Variants in RAD54L2 observed in about 807,000 individuals in gnomAD.
The protein encoded by RAD54L2 is helicase ARIP4.
Under a neutral mutation model 138.4 loss-of-function variants are expected in RAD54L2, and 27 were observed. The observed-to-expected ratio is 0.20, with a 90% CI of 0.14 to 0.27. The LOEUF (loss-of-function observed/expected upper bound fraction) is 0.27. Ranked by LOEUF, RAD54L2 falls within the 10% of genes least tolerant of loss-of-function variation. The probability of loss-of-function intolerance (pLI) is 1.00; values close to 1 mark genes in which losing one functional copy is unlikely to be tolerated. For missense variants in RAD54L2, 1,396 were observed against 1,890.2 expected (o/e 0.74, Z 4.85); for synonymous variants, 644 against 723.2 (o/e 0.89, Z 1.76).
Position 51,563,959 on chromosome 3 carries a change from TCA to T in RAD54L2, c.-55+22310_-55+22311del, listed in dbSNP as rs752944918. The stretch of plus-strand genomic sequence containing the variant: ...CTTTTTTAAAACATGCCACTTCCTG[TCA>T]AGTTTAGAAGGCAGCCCAGAGGGGG... On this transcript the variant is annotated intron_variant, in intron 2 of 22. Coordinates refer to ENST00000684192, the MANE Select transcript of RAD54L2 (RefSeq NM_015106.4). Among the ~76,000 whole-genome samples the T allele has an allele frequency of 2.0e-5, 3 of 152,228 alleles. No homozygotes were observed. In the South Asian group the frequency reaches 6.2e-4, roughly 31 times the overall value.
Position 51,648,698 on chromosome 3 carries a change from A to T in RAD54L2, c.3026+2217A>T, listed in dbSNP as rs184018824. ...GTGGACCTCCAGCAAACTCCAACAG[A>T]CCTGCAGCTGAGGGACCTGACTGTT... On this transcript the variant is annotated intron_variant, in intron 19 of 22. Coordinates refer to ENST00000684192, the MANE Select transcript of RAD54L2 (RefSeq NM_015106.4). Among the ~76,000 whole-genome samples, 5 of 152,308 alleles carry T rather than the reference A, an allele frequency of 3.3e-5. No individual in the cohort carries two copies. The East Asian group carries it at 9.6e-4, about 29-fold the overall frequency.
chr3:51,641,614 A>G, intron 14 of RAD54L2, 135 bp from the exon 15 acceptor site: 1 of 609,828 alleles, frequency 1.6e-6, no homozygotes. Flanking sequence ...ACCGTGCCCA[A>G]CCTAGAGTTA....
Position 51,633,910 on chromosome 3 carries a change from T to G in RAD54L2, c.1017T>G (p.Thr339=), listed in dbSNP as rs1458334871. The change falls in exon 9 of 23, where the codon ACT becomes ACG. Residue 339 remains threonine (T), a synonymous_variant. Coordinates refer to ENST00000684192, the MANE Select transcript of RAD54L2 (RefSeq NM_015106.4). ...ACTTGGCTTTCTAATAGGTTAATAC[T>G]CTTCAGAATTGGCTGGCAGAGTTCA... is the stretch of plus-strand genomic sequence containing the variant. ...KTVLAIVPVN[T]LQNWLAEFNM... is the part of the protein sequence containing the mutation. 1 of 1,613,822 alleles carries G rather than the reference T, an allele frequency of 6.2e-7. No homozygotes were observed. Among genetic ancestry groups the G allele is most frequent in the Non-Finnish European group, 8.5e-7 (1 of 1,179,818 alleles).
intron 2 of RAD54L2, among the ~76,000 whole-genome samples, chr3:51,548,774 C>T (rs782045003): frequency 6.6e-6 from 1 of 150,978 alleles, no homozygotes; most frequent in Non-Finnish European, 1.5e-5. Flanking sequence ...GATAGTCCTA[C>T]ACAGTGAGTA....
chr3:51,579,109 C>T (rs993604869), intron 2 of RAD54L2, among the ~76,000 whole-genome samples: 5 of 151,888 alleles, frequency 3.3e-5, no homozygotes, highest in African/African-American at 7.3e-5. Flanking sequence ...GACATCCAAC[C>T]GTAGTCTCTG....
intron 15 of RAD54L2, among the ~76,000 whole-genome samples, chr3:51,642,403 C>T (rs1370519012): frequency 4.1e-5 from 6 of 145,264 alleles, no homozygotes; most frequent in Admixed American, 7.0e-5. Flanking sequence ...ACATACAGTA[C>T]GTAAACAGAT....
chr3:51,657,674 G>T lies in RAD54L2; in HGVS notation c.3316+5G>T. Reference sequence around the variant, plus strand: ...ACATCATCCGTGGGACAAAAGGTAAGAGCCTGACCAAGGACCTGTTCCCTG... The same window carrying T: ...ACATCATCCGTGGGACAAAAGGTAATAGCCTGACCAAGGACCTGTTCCCTG... On this transcript the variant is annotated splice_donor_5th_base_variant and intron_variant, in intron 21 of 22. Transcript: ENST00000684192. 6.5e-7 allele frequency: 1 copy of T among 1,547,816 alleles called. No homozygotes were observed. The highest frequency in any genetic ancestry group is 1.2e-5 in the South Asian group (1 of 84,564).
intron 3 of RAD54L2, among the ~76,000 whole-genome samples, chr3:51,598,173 G>GTATATATATATATA (rs1238523807): frequency 6.9e-6 from 1 of 144,482 alleles, no homozygotes; most frequent in African/African-American, 2.5e-5. Flanking sequence ...GTGTGTGTGT[G>GTATATATATATATA]TGTGTATATA....
At chr3:51,589,137 C>T (rs906443637) in intron 2 of RAD54L2, among the ~76,000 whole-genome samples, 3 of 152,148 alleles carry the variant, frequency 2.0e-5, no homozygotes, top group Non-Finnish European at 4.4e-5. Flanking sequence ...ATAAATGCAT[C>T]GTAAGTTGAA....
chr3:51,641,566 C>G (rs554880719), intron 14 of RAD54L2, among the ~76,000 whole-genome samples, 183 bp from the exon 15 acceptor site: 1 of 152,324 alleles, frequency 6.6e-6, no homozygotes, highest in Middle Eastern at 3.4e-3. Flanking sequence ...ATCCACCCGC[C>G]TCGGCCTCCC....
chr3:51,666,074 A>G lies in RAD54L2; in HGVS notation c.*2654A>G, dbSNP rs1701903183. On this transcript the variant is annotated 3_prime_UTR_variant, in exon 23 of 23. Transcript: ENST00000684192. ...GCCATCATTCTGGGAGGCTGACCTG[A>G]CTAGAGAAGGCTTTCTTTTATATGT... 3 of 149,314 alleles carry G rather than the reference A, an allele frequency of 2.0e-5. No homozygotes were observed. In the Admixed American group the frequency reaches 2.0e-4, roughly 10 times the overall value. 9.2% of individuals were successfully genotyped at this position (149,314 alleles called of 1,614,324 possible).
Position 51,538,724 on chromosome 3 carries a change from C to T in RAD54L2, c.-308C>T, listed in dbSNP as rs1698473398. 6.6e-6 allele frequency among the ~76,000 whole-genome samples: 1 copy of T among 151,984 alleles called. No homozygotes were observed. Among genetic ancestry groups the T allele is most frequent in the African/African-American group, 2.4e-5 (1 of 41,436 alleles). ...GGCGCGGACCGTGAGCGGAGGCTGG[C>T]GAGCGCCGCCGCCGGTGGAGACCGA... On this transcript the variant is annotated 5_prime_UTR_variant, in exon 1 of 23. Transcript: ENST00000684192.
chr3:51,645,512 G>T lies in RAD54L2; in HGVS notation c.2657-79G>T, dbSNP rs1701256369. 2.2e-6 allele frequency: 3 copies of T among 1,372,490 alleles called. No homozygotes were observed. The highest frequency in any genetic ancestry group is 2.5e-5 in the East Asian group (1 of 40,574). 85.0% of individuals were successfully genotyped at this position (1,372,490 alleles called of 1,614,324 possible). ...GACCTAGTCTTTGACTTTCAGATATGGGATGACTTTTCATTATTAGTGACC... is the reference window on the plus strand; with the variant it reads ...GACCTAGTCTTTGACTTTCAGATATTGGATGACTTTTCATTATTAGTGACC... On this transcript the variant is annotated intron_variant, in intron 17 of 22. Coordinates refer to ENST00000684192, the MANE Select transcript of RAD54L2 (RefSeq NM_015106.4). The surrounding 1 kb of genome is among the most constrained non-coding windows in gnomAD (Gnocchi z 6.1).
intron 3 of RAD54L2, among the ~76,000 whole-genome samples, chr3:51,598,559 A>C (rs1460742429): frequency 6.6e-6 from 1 of 152,154 alleles, no homozygotes; most frequent in Non-Finnish European, 1.5e-5. Context: ...GTTCGAGACC[A>C]GCCTGGTCAA....
At chr3:51,628,659 G>T (rs1048308905) in intron 4 of RAD54L2, among the ~76,000 whole-genome samples, 6 of 151,766 alleles carry the variant, frequency 4.0e-5, no homozygotes, top group African/African-American at 1.5e-4. Flanking sequence ...CAAAGTGCTG[G>T]GATTTCAGGC....
intron 19 of RAD54L2, among the ~76,000 whole-genome samples, chr3:51,650,755 C>T (rs1181415474): frequency 3.3e-5 from 5 of 152,308 alleles, no homozygotes; most frequent in Non-Finnish European, 7.4e-5. Flanking sequence ...AAAGACACAA[C>T]GTACCAGAAT....
At chr3:51,545,826 C>T (rs1420727934) in intron 2 of RAD54L2, among the ~76,000 whole-genome samples, 1 of 151,584 alleles carries the variant, frequency 6.6e-6, no homozygotes, top group South Asian at 2.1e-4. Flanking sequence ...AGTGATCCTT[C>T]TGCGTTGGCC....
intron 3 of RAD54L2, among the ~76,000 whole-genome samples, chr3:51,613,952 G>T (rs1044455996): frequency 6.6e-6 from 1 of 152,170 alleles, no homozygotes; most frequent in Non-Finnish European, 1.5e-5. Flanking sequence ...CTGGAATCGA[G>T]TGGATAGAGG....
intron 2 of RAD54L2, among the ~76,000 whole-genome samples, chr3:51,565,718 C>G (rs933078766): frequency 6.6e-6 from 1 of 151,966 alleles, no homozygotes; most frequent in Non-Finnish European, 1.5e-5. Context: ...GGTGATCCGC[C>G]CGTCTCGGCC....
Sources: gnomAD v4.1 joint callset for allele counts (sites outside exome capture counted in the v4.1 genomes callset) on GRCh38, gnomAD v4.1.1 for gene constraint, Gnocchi (gnomAD v3.1) non-coding constraint, MANE v1.5 for transcripts, NCBI Gene and HGNC (gene_info 2026-07-23, HGNC 2026-07-21) for gene names.